The following CAMK1D variants were observed in gnomAD, a reference collection of about 807,000 sequenced individuals.
CAMK1D encodes the protein calcium/calmodulin-dependent protein kinase type 1D.
In CAMK1D, 9 loss-of-function variants were observed where a neutral mutation model predicts 47.7. That is an observed-to-expected ratio of 0.19 (90% CI 0.11 to 0.33). The LOEUF (loss-of-function observed/expected upper bound fraction) is 0.33. Ranked by LOEUF, CAMK1D falls within the 10% of genes least tolerant of loss-of-function variation. The probability of loss-of-function intolerance (pLI) is 1.00; values close to 1 mark genes in which losing one functional copy is unlikely to be tolerated. For synonymous variants in CAMK1D, 184 were observed against 184.9 expected (o/e 0.99, Z 0.04); for missense variants, 291 against 488.7 (o/e 0.60, Z 3.81).
At chr10:12,815,195 C>T (rs1832747482) in intron 7 of CAMK1D, among the ~76,000 whole-genome samples, 1 of 152,214 alleles carries the variant, frequency 6.6e-6, no homozygotes. Context: ...GGGAAGTTCA[C>T]TGTTCCTTCC....
intron 2 of CAMK1D, among the ~76,000 whole-genome samples, chr10:12,621,708 C>T (rs1396577610): frequency 2.0e-5 from 3 of 151,938 alleles, no homozygotes; most frequent in Non-Finnish European, 4.4e-5. Flanking sequence ...TATTGGTGTC[C>T]GTATGTTCAT....
At chr10:12,776,984 A>G (rs1235534047) in intron 5 of CAMK1D, among the ~76,000 whole-genome samples, 8 of 152,224 alleles carry the variant, frequency 5.3e-5, no homozygotes, top group African/African-American at 1.7e-4. Context: ...AAATGACCAC[A>G]AAGTATTGAT....
chr10:12,691,399 ATATAAATATATATATATATATATTT>A (rs1832908749), intron 3 of CAMK1D, among the ~76,000 whole-genome samples: 2 of 7,156 alleles, frequency 2.8e-4, no homozygotes, highest in African/African-American at 1.0e-3. Context: ...ATATATATAT[ATATAAATATATATATATATATATTT>A]TTTTTTTTTT....
chr10:12,650,579 C>T (rs142397838), intron 2 of CAMK1D, among the ~76,000 whole-genome samples: 10 of 152,240 alleles, frequency 6.6e-5, no homozygotes, highest in African/African-American at 2.4e-4. Flanking sequence ...CAACGTGCCG[C>T]AATGCCGTTC....
intron 1 of CAMK1D, among the ~76,000 whole-genome samples, chr10:12,398,592 G>A (rs1273242332): frequency 1.3e-5 from 2 of 152,048 alleles, no homozygotes; most frequent in African/African-American, 4.8e-5. Flanking sequence ...CAGGTGATCC[G>A]CCCGCCTCGG....
rs773933666 is a variant in CAMK1D, at chr10:12,682,124, G to T, written c.299+15314G>T. 1.2e-4 allele frequency among the ~76,000 whole-genome samples: 18 copies of T among 152,352 alleles called. No individual in the cohort carries two copies. In the Middle Eastern group the frequency reaches 0.01, roughly 86 times the overall value. On this transcript the variant is annotated intron_variant, in intron 3 of 10. Transcript: ENST00000619168. ...AGTCCCAACTACTCAGGAGGCTGAG[G>T]CAGGAGAATGGCGTGAACCCGGGAG... is the stretch of plus-strand genomic sequence containing the variant.
At chr10:12,396,378 C>T (rs1026969447) in intron 1 of CAMK1D, among the ~76,000 whole-genome samples, 1 of 152,170 alleles carries the variant, frequency 6.6e-6, no homozygotes, top group Non-Finnish European at 1.5e-5. Flanking sequence ...TCATTTTTCT[C>T]GTGACTGCTG....
chr10:12,401,706 G>C (rs1409690179), intron 1 of CAMK1D, among the ~76,000 whole-genome samples: 1 of 151,868 alleles, frequency 6.6e-6, no homozygotes, highest in African/African-American at 2.4e-5. Flanking sequence ...CTTGAGGGAT[G>C]GGTAGGAGTT....
At chr10:12,733,617 G>T (rs1051855869) in intron 3 of CAMK1D, among the ~76,000 whole-genome samples, 3 of 152,182 alleles carry the variant, frequency 2.0e-5, no homozygotes, top group African/African-American at 7.2e-5. Context: ...ATATCACCAG[G>T]TAGTGTTCTA....
intron 3 of CAMK1D, among the ~76,000 whole-genome samples, chr10:12,736,062 C>G (rs1422961343): frequency 6.6e-6 from 1 of 152,238 alleles, no homozygotes; most frequent in Non-Finnish European, 1.5e-5. Context: ...ACAGCCAGAT[C>G]TGCAGCAGGT....
chr10:12,814,356 C>A (rs1235118321), intron 7 of CAMK1D, 49 bp downstream of exon 7: 2 of 1,184,910 alleles, frequency 1.7e-6, no homozygotes, highest in Non-Finnish European at 2.5e-6. Flanking sequence ...GCGACACTTA[C>A]ACCCAGACCA....
intron 5 of CAMK1D, 46 bp downstream of exon 5, chr10:12,769,845 T>G (rs1235501717): frequency 1.2e-6 from 2 of 1,605,450 alleles, no homozygotes; most frequent in Admixed American, 3.3e-5. Context: ...GTGTGTGATG[T>G]CCTCATGTGT....
chr10:12,564,165 C>G lies in CAMK1D; in HGVS notation c.224+10809C>G, dbSNP rs1487260390. Among the ~76,000 whole-genome samples, 396 of 150,894 alleles carry G rather than the reference C, an allele frequency of 2.6e-3. 4 individuals are homozygous for G. The highest frequency in any genetic ancestry group is 8.6e-3 in the African/African-American group (348 of 40,682). On this transcript the variant is annotated intron_variant, in intron 2 of 10. Transcript: ENST00000619168. ...TCTCTCTGTCTCTCTCTCTCTCTCT[C>G]TCTCTCTCTCTCTCTCATAGGCTAA...
chr10:12,559,484 C>T (rs1836869459), intron 2 of CAMK1D, among the ~76,000 whole-genome samples: 2 of 152,076 alleles, frequency 1.3e-5, no homozygotes, highest in African/African-American at 2.4e-5. Flanking sequence ...GCTGATTTCA[C>T]CTCCCAGGGT....
At chr10:12,403,743 T>C (rs1483935815) in intron 1 of CAMK1D, among the ~76,000 whole-genome samples, 1 of 152,184 alleles carries the variant, frequency 6.6e-6, no homozygotes, top group Non-Finnish European at 1.5e-5. Flanking sequence ...TAATAATTTG[T>C]ATTGTAACAA....
chr10:12,542,898 A>G (rs962616701), intron 1 of CAMK1D, among the ~76,000 whole-genome samples: 3 of 152,128 alleles, frequency 2.0e-5, no homozygotes, highest in Non-Finnish European at 4.4e-5. Context: ...GGCATGCGCC[A>G]CCATGCCCGG....
At chr10:12,440,718 A>C (rs1031602398) in intron 1 of CAMK1D, among the ~76,000 whole-genome samples, 7 of 152,228 alleles carry the variant, frequency 4.6e-5, no homozygotes, top group African/African-American at 1.7e-4. Context: ...TGCCAGGTGC[A>C]GTGCTCAGGC....
intron 1 of CAMK1D, among the ~76,000 whole-genome samples, chr10:12,415,641 C>T (rs547491314): frequency 7.9e-5 from 12 of 151,796 alleles, no homozygotes; most frequent in Admixed American, 5.2e-4. Context: ...TTCCATGTTA[C>T]ATGTTCATGA....
At chr10:12,560,176 A>T (rs1287901245) in intron 2 of CAMK1D, among the ~76,000 whole-genome samples, 2 of 152,116 alleles carry the variant, frequency 1.3e-5, no homozygotes, top group Non-Finnish European at 2.9e-5. Flanking sequence ...TTCTGAAGGG[A>T]GGCTGGCCCT....
Sources: gnomAD v4.1 joint callset for allele counts (sites outside exome capture counted in the v4.1 genomes callset) on GRCh38, gnomAD v4.1.1 for gene constraint, MANE v1.5 for transcripts, NCBI Gene and HGNC (gene_info 2026-07-23, HGNC 2026-07-21) for gene names.